The following OTUD7A variants were observed in gnomAD, a reference collection of about 807,000 sequenced individuals.
OTUD7A encodes OTU domain-containing protein 7A.
OTUD7A carries 12 observed loss-of-function variants against 65.7 expected under a neutral mutation model. That is an observed-to-expected ratio of 0.18 (90% CI 0.12 to 0.30). The LOEUF is 0.30. OTUD7A is among the 10% of genes least tolerant of loss of function. OTUD7A has a pLI of 1.00. For synonymous variants in OTUD7A, 641 were observed against 586.3 expected, an observed-to-expected ratio of 1.09 and a Z score of -1.35; for missense variants, 1,148 against 1,304.8, an observed-to-expected ratio of 0.88 and a Z score of 1.85.
Position 31,480,058 on chromosome 15 carries a change from G to A in OTUD7A, c.*3236C>T, listed in dbSNP as rs1017222846. 3 of 152,106 alleles carry A rather than the reference G, an allele frequency of 2.0e-5. No homozygotes were observed. Among genetic ancestry groups the A allele is most frequent in the Non-Finnish European group, 2.9e-5 (2 of 68,004 alleles). 9.4% of individuals were successfully genotyped at this position (152,106 alleles called of 1,614,324 possible). Reference sequence around the variant, plus strand: ...AGCAGCAAAAAGCGTTTAACCCCCCGGAGCCCACAGTGGAGCTCCTTCCCA... The same window carrying A: ...AGCAGCAAAAAGCGTTTAACCCCCCAGAGCCCACAGTGGAGCTCCTTCCCA... On this transcript the variant is annotated 3_prime_UTR_variant, in exon 13 of 13. Coordinates refer to ENST00000307050, the MANE Select transcript of OTUD7A (RefSeq NM_001382637.1).
At chr15:31,535,315 T>A (rs1887760742) in intron 5 of OTUD7A, among the ~76,000 whole-genome samples, 1 of 152,156 alleles carries the variant, frequency 6.6e-6, no homozygotes, top group Non-Finnish European at 1.5e-5. Flanking sequence ...GTGCTGTCTC[T>A]CTCCTGCCAC....
intron 1 of OTUD7A, among the ~76,000 whole-genome samples, chr15:31,759,285 T>C (rs17673100): frequency 0.14 from 21,414 of 152,238 alleles, 1,714 homozygotes; most frequent in East Asian, 0.22. Flanking sequence ...TGAATCCCAC[T>C]GATAAATTTT....
At chr15:31,673,363 C>T (rs1305620540) in intron 1 of OTUD7A, among the ~76,000 whole-genome samples, 2 of 152,200 alleles carry the variant, frequency 1.3e-5, no homozygotes, top group Non-Finnish European at 2.9e-5. Flanking sequence ...GGACCCAAAA[C>T]ATGGTAACAC....
At chr15:31,703,644 A>G (rs1192288414) in intron 1 of OTUD7A, among the ~76,000 whole-genome samples, 3 of 152,100 alleles carry the variant, frequency 2.0e-5, no homozygotes, top group African/African-American at 7.2e-5. Context: ...TGACACAGCC[A>G]CTCTGGAAAG....
rs995846079 is a variant in OTUD7A, at chr15:31,765,846, A to G, written c.-100+104661T>C. The stretch of plus-strand genomic sequence containing the variant: ...TGCTGCTTCACTCTCCATGGTTGGA[A>G]ATCTTTTCTGATATATCAAAGGATA... On this transcript the variant is annotated intron_variant, in intron 1 of 12. Coordinates refer to ENST00000307050, the MANE Select transcript of OTUD7A (RefSeq NM_001382637.1). 7 of 1,311,982 alleles carry G rather than the reference A, an allele frequency of 5.3e-6. No individual in the cohort carries two copies. In the African/African-American group the frequency reaches 8.7e-5, roughly 16 times the overall value. The allele number at this position is 1,311,982 out of a possible 1,614,324, so 81.3% of individuals were successfully genotyped here.
Position 31,641,783 on chromosome 15 carries a change from A to AC in OTUD7A, c.151+13312dup, listed in dbSNP as rs1393072037. Among the ~76,000 whole-genome samples, 5 of 152,328 alleles carry AC rather than the reference A, an allele frequency of 3.3e-5. No individual in the cohort carries two copies. In the East Asian group the frequency reaches 9.6e-4, roughly 29 times the overall value. On this transcript the variant is annotated intron_variant, in intron 3 of 12. Coordinates refer to ENST00000307050, the MANE Select transcript of OTUD7A (RefSeq NM_001382637.1). ...GGTTTTGTATCTTACAACACTGCTA[A>AC]CTTCACTTACTAGTTCCAAAAAATG... is the stretch of plus-strand genomic sequence containing the variant.
intron 5 of OTUD7A, chr15:31,558,194 T>C (rs1888561365): frequency 6.6e-6 from 1 of 152,252 alleles, no homozygotes; most frequent in African/African-American, 2.4e-5. Context: ...AGATATGTGA[T>C]TTTGCAATGT....
At chr15:31,520,904 G>C (rs1423472578) in intron 8 of OTUD7A, among the ~76,000 whole-genome samples, 5 of 152,210 alleles carry the variant, frequency 3.3e-5, no homozygotes, top group African/African-American at 9.6e-5. Context: ...CGTAGGATTA[G>C]ATAAAGAAAA....
At chr15:31,754,269 G>A (rs1819754538) in intron 1 of OTUD7A, among the ~76,000 whole-genome samples, 1 of 152,056 alleles carries the variant, frequency 6.6e-6, no homozygotes, top group African/African-American at 2.4e-5. Flanking sequence ...TCCTTTGTCA[G>A]ACATATAGAT....
intron 1 of OTUD7A, among the ~76,000 whole-genome samples, chr15:31,670,553 ATGTT>A (rs749854845): frequency 3.3e-5 from 5 of 152,164 alleles, no homozygotes; most frequent in East Asian, 3.9e-4. Flanking sequence ...TCTATTTCAT[ATGTT>A]TGTTAGCCAC....
chr15:31,506,776 G>A (rs1355062352), intron 8 of OTUD7A, among the ~76,000 whole-genome samples: 7 of 152,194 alleles, frequency 4.6e-5, no homozygotes, highest in Non-Finnish European at 1.0e-4. Context: ...TAGAAAAGGT[G>A]CAAGCTGGAT....
chr15:31,767,254 CTG>C (rs1428623675), intron 1 of OTUD7A: 3 of 895,226 alleles, frequency 3.4e-6, no homozygotes, highest in Non-Finnish European at 5.5e-6. Context: ...CTATCTGAAA[CTG>C]TTATGTAGCC....
intron 1 of OTUD7A, chr15:31,767,733 C>A (rs118087686): frequency 1.4e-6 from 1 of 711,848 alleles, no homozygotes; most frequent in Non-Finnish European, 2.6e-6. Context: ...ATTTTCTCGG[C>A]ATTTTCCTGA....
intron 5 of OTUD7A, among the ~76,000 whole-genome samples, chr15:31,535,852 AT>A (rs35961130): frequency 3.3e-5 from 5 of 149,356 alleles, no homozygotes; most frequent in East Asian, 2.0e-4. Context: ...AATTTTTTGT[AT>A]TTTTTTTTAG....
At chr15:31,690,382 A>G (rs1892935279) in intron 1 of OTUD7A, among the ~76,000 whole-genome samples, 1 of 152,014 alleles carries the variant, frequency 6.6e-6, no homozygotes, top group Admixed American at 6.6e-5. Flanking sequence ...AGTACTTTCA[A>G]AATGATTTTG....
chr15:31,544,462 C>A (rs187271541), intron 5 of OTUD7A, among the ~76,000 whole-genome samples: 2 of 151,658 alleles, frequency 1.3e-5, no homozygotes, highest in Non-Finnish European at 3.0e-5. Context: ...AGAGAACTTA[C>A]ATGGTCTGTA....
At chr15:31,538,974 G>T (rs1447664178) in intron 5 of OTUD7A, among the ~76,000 whole-genome samples, 1 of 152,132 alleles carries the variant, frequency 6.6e-6, no homozygotes, top group East Asian at 1.9e-4. Context: ...TCAGATAAAT[G>T]ATACTATTAA....
intron 8 of OTUD7A, among the ~76,000 whole-genome samples, chr15:31,523,334 AGGGCCCGCTGGGCTCGCTG>A (rs1408402599): frequency 6.6e-6 from 1 of 152,196 alleles, no homozygotes; most frequent in Non-Finnish European, 1.5e-5. Flanking sequence ...GTCTTCCTTC[AGGGCCCGCTGGGCTCGCTG>A]GAGGTCCCAG....
At chr15:31,506,982 G>A (rs11858516) in intron 8 of OTUD7A, among the ~76,000 whole-genome samples, 32,608 of 152,118 alleles carry the variant, frequency 0.21, 4,652 homozygotes, top group African/African-American at 0.41. Context: ...ATGTAATAGT[G>A]TAATAATTGT....
Sources: allele counts gnomAD v4.1 joint callset (sites outside exome capture counted in the v4.1 genomes callset), GRCh38; gene constraint gnomAD v4.1.1; transcripts MANE v1.5; gene names NCBI Gene and HGNC (gene_info 2026-07-23, HGNC 2026-07-21).